ZSCAN31: variants seen among roughly 807,000 people sequenced by gnomAD.
ZSCAN31 encodes zinc finger and SCAN domain-containing protein 31.
Under a neutral mutation model 22.5 loss-of-function variants are expected in ZSCAN31, and 14 were observed. The observed-to-expected ratio is 0.62, with a 90% confidence interval of 0.41 to 0.97. ZSCAN31 has a LOEUF of 0.97. Among genes scored for constraint, ZSCAN31 ranks in the 50% least tolerant of loss-of-function variants. ZSCAN31 has a pLI of 0.00. For missense variants in ZSCAN31, 424 were observed against 483.4 expected (o/e 0.88, Z 1.15); for synonymous variants, 168 against 169.8 (o/e 0.99, Z 0.08).
chr6:28,340,736 C>A (rs1764379220), upstream of ZSCAN31, among the ~76,000 whole-genome samples: 1 of 152,206 alleles, frequency 6.6e-6, no homozygotes. Flanking sequence ...ATTATTTTTG[C>A]TTTAAATGAT....
chr6:28,333,409 G>T lies in ZSCAN31; in HGVS notation c.-96+2673C>A, dbSNP rs1406543336. Among the ~76,000 whole-genome samples the T allele has an allele frequency of 6.6e-6, 1 of 152,154 alleles. No homozygotes were observed. Among genetic ancestry groups the T allele is most frequent in the African/African-American group, 2.4e-5 (1 of 41,434 alleles). On this transcript the variant is annotated intron_variant, in intron 1 of 3. Coordinates refer to ENST00000344279, the MANE Select transcript of ZSCAN31 (RefSeq NM_030899.5). This position sits in a 1 kb window ranked among gnomAD's most constrained non-coding sequence, Gnocchi z 4.1. ...AAAAGACGGGACCAGGCCCTGTTTT[G>T]CTGGAGCAAACATTTTAACGGGGAA...
chr6:28,351,835 G>T lies in ZSCAN31; in HGVS notation c.-371+2027C>A, dbSNP rs1040032766. 5.3e-5 allele frequency among the ~76,000 whole-genome samples: 8 copies of T among 151,754 alleles called. No individual in the cohort carries two copies. Among genetic ancestry groups the T allele is most frequent in the African/African-American group, 1.9e-4 (8 of 41,252 alleles). On this transcript the variant is annotated intron_variant, in intron 2 of 7. Coordinates refer to the ZSCAN31 transcript ENST00000396838. The surrounding 1 kb of genome is among the most constrained non-coding windows in gnomAD (Gnocchi z 4.6). ...TGGAAACATTTTAGTTCACTCACAA[G>T]TACAAGTACTTCAGTGTCAATTTCT...
chr6:28,356,248 G>A (rs1185578773), upstream of ZSCAN31: 1 of 152,240 alleles, frequency 6.6e-6, no homozygotes, highest in Non-Finnish European at 1.5e-5. Context: ...GGAACGCTCC[G>A]GCGGGACCTA....
At chr6:28,342,280 G>A (rs958239339) in intron 2 of ZSCAN31, among the ~76,000 whole-genome samples, 3 of 152,286 alleles carry the variant, frequency 2.0e-5, no homozygotes, top group Non-Finnish European at 4.4e-5. Context: ...GGGATATCTA[G>A]GCCAAAGCAC....
In ZSCAN31 at chr6:28,326,377, C is replaced by T. The variant is rs1156795506; in HGVS notation, c.1010G>A (p.Cys337Tyr). ...GTGTATCCTCTGATGCTGAACAAGG[C>T]ATGAGCTGAGGAGGAAAGCCTTCCC... ...VCGKAFLLSS[C>Y]LVQHQRIHTG... The change falls in exon 4 of 4, where the codon TGC (cysteine) becomes TAC (tyrosine). Residue 337 changes from cysteine to tyrosine, a missense_variant. Transcript: ENST00000344279. 1.2e-6 allele frequency: 2 copies of T among 1,614,096 alleles called. No individual in the cohort carries two copies. The highest frequency in any genetic ancestry group is 1.7e-6 in the Non-Finnish European group (2 of 1,180,044).
In ZSCAN31 at chr6:28,326,219, T is replaced by C. The variant is rs1374573843; in HGVS notation, c.1168A>G (p.Lys390Glu). 6.2e-7 allele frequency: 1 copy of C among 1,613,834 alleles called. No homozygotes were observed. Among genetic ancestry groups the C allele is most frequent in the South Asian group, 1.1e-5 (1 of 91,070 alleles). Reference protein sequence around the residue: ...QCSQCSKLFSKRTLLKKHQKI... With the variant: ...QCSQCSKLFSERTLLKKHQKI... ...TGATGTTTCTTAAGAAGTGTCCGCT[T>C]ACTAAAGAGTTTACTGCACTGACTG... The change falls in exon 4 of 4, where the codon AAG becomes GAG. Residue 390 changes from lysine to glutamate, a missense_variant. Physicochemically the swap from Lys to Glu is moderately conservative, Grantham distance 56. Coordinates refer to ENST00000344279, the MANE Select transcript of ZSCAN31 (RefSeq NM_030899.5).
At chr6:28,335,578 C>T (rs1250626424) in intron 1 of ZSCAN31, 1 of 152,216 alleles carries the variant, frequency 6.6e-6, no homozygotes, top group Non-Finnish European at 1.5e-5. Context: ...CAAACTTTCA[C>T]TTCGGCTTCT....
chr6:28,355,094 C>T (rs902240311), upstream of ZSCAN31, among the ~76,000 whole-genome samples: 7 of 152,160 alleles, frequency 4.6e-5, no homozygotes, highest in Admixed American at 1.3e-4. Flanking sequence ...ATTGGGAATG[C>T]GGGAATGCCC....
intron 3 of ZSCAN31, 74 bp downstream of exon 3, chr6:28,327,307 CAG>C: frequency 6.5e-7 from 1 of 1,526,826 alleles, no homozygotes; most frequent in African/African-American, 1.4e-5. Context: ...AATTTAGCCC[CAG>C]AGTCCACAGT....
At chr6:28,344,845 T>C (rs576999380) in intron 2 of ZSCAN31, among the ~76,000 whole-genome samples, 1 of 151,664 alleles carries the variant, frequency 6.6e-6, no homozygotes, top group African/African-American at 2.4e-5. Context: ...AAGAAAAAAA[T>C]TGGGCCAGAC....
Position 28,326,773 on chromosome 6 carries a change from T to C in ZSCAN31, c.614A>G (p.Lys205Arg), listed in dbSNP as rs853684. 688,087 of 1,613,462 alleles carry C rather than the reference T, an allele frequency of 0.43. 158,546 individuals are homozygous for C. The highest frequency in any genetic ancestry group is 0.88 in the African/African-American group (66,244 of 74,998). ...ATCCAAAGATACATCTCTTTGGAGTTTGCTATCCCCCAAATGTTCCATTTC... is the reference window on the plus strand; with the variant it reads ...ATCCAAAGATACATCTCTTTGGAGTCTGCTATCCCCCAAATGTTCCATTTC... ...LKEMEHLGDS[K>R]LQRDVSLDSK... Residue 205 changes from lysine (K) to arginine (R), a missense_variant, in exon 4 of 4, where the codon AAA becomes AGA. By Grantham distance (26) the Lys-to-Arg change is conservative. Coordinates refer to ENST00000344279, the MANE Select transcript of ZSCAN31 (RefSeq NM_030899.5).
chr6:28,345,463 C>T (rs1047819104), intron 2 of ZSCAN31, among the ~76,000 whole-genome samples: 2 of 152,140 alleles, frequency 1.3e-5, no homozygotes, highest in Non-Finnish European at 2.9e-5. Flanking sequence ...GGTCCCTCCC[C>T]GCTCAGTGGT....
chr6:28,346,637 G>A (rs1273774618), intron 2 of ZSCAN31, among the ~76,000 whole-genome samples: 1 of 152,140 alleles, frequency 6.6e-6, no homozygotes, highest in East Asian at 1.9e-4. Flanking sequence ...GATTACAGGT[G>A]TGAGGCACGG....
Position 28,329,646 on chromosome 6 carries a change from A to G in ZSCAN31, c.38T>C (p.Val13Ala). ...STEEQYDLKI[V>A]KVEEDPIWDQ... The stretch of plus-strand genomic sequence containing the variant: ...CCAGATAGGGTCTTCCTCCACTTTC[A>G]CAATCTTAAGATCGTACTGTTCCTC... The change falls in exon 2 of 4, where the codon GTG becomes GCG. Residue 13 changes from valine to alanine, a missense_variant. Val to Ala is a moderately conservative substitution (Grantham distance 64). Transcript: ENST00000344279. The G allele has an allele frequency of 6.2e-7, 1 of 1,614,056 alleles. No individual in the cohort carries two copies. The highest frequency in any genetic ancestry group is 8.5e-7 in the Non-Finnish European group (1 of 1,180,026).
At chr6:28,354,093 G>C (rs1765256470) in intron 1 of ZSCAN31, 1 of 380,460 alleles carries the variant, frequency 2.6e-6, no homozygotes, top group Non-Finnish European at 5.2e-6. Flanking sequence ...CACACTTACA[G>C]CTGTACTCCT....
At chr6:28,334,543 G>C (rs1253859129) in intron 1 of ZSCAN31, among the ~76,000 whole-genome samples, 5 of 152,178 alleles carry the variant, frequency 3.3e-5, no homozygotes, top group Admixed American at 3.3e-4. Flanking sequence ...AATCCCAAAG[G>C]ATACCAATTA....
chr6:28,338,066 TAAAG>T (rs768648531), upstream of ZSCAN31, among the ~76,000 whole-genome samples: 2 of 135,544 alleles, frequency 1.5e-5, no homozygotes, highest in Non-Finnish European at 3.1e-5. Context: ...AATAAATAAA[TAAAG>T]AAGGAAAAAG....
chr6:28,331,754 T>A lies in ZSCAN31; in HGVS notation c.-95-1976A>T, dbSNP rs563500619. On this transcript the variant is annotated intron_variant, in intron 1 of 3. Transcript: ENST00000344279. This position sits in a 1 kb window ranked among gnomAD's most constrained non-coding sequence, Gnocchi z 4.8. ...ATGGCCTTAGGTTTATAGGCAAAAA[T>A]TGTTCTGCAAATATGCGTTCTGCAC... Among the ~76,000 whole-genome samples, 1 of 152,208 alleles carries A rather than the reference T, an allele frequency of 6.6e-6. No individual in the cohort carries two copies. The highest frequency in any genetic ancestry group is 2.4e-5 in the African/African-American group (1 of 41,462).
intron 2 of ZSCAN31, among the ~76,000 whole-genome samples, chr6:28,344,533 A>T (rs1242848668): frequency 1.3e-5 from 2 of 152,204 alleles, no homozygotes; most frequent in African/African-American, 2.4e-5. Context: ...TGAGTGTGTG[A>T]TAGTTGTGAT....
Sources: allele counts gnomAD v4.1 joint callset (sites outside exome capture counted in the v4.1 genomes callset), GRCh38; gene constraint gnomAD v4.1.1; non-coding constraint Gnocchi (gnomAD v3.1); transcripts MANE v1.5; gene names NCBI Gene and HGNC (gene_info 2026-07-23, HGNC 2026-07-21).